ACSM3: variants seen among roughly 807,000 people sequenced by gnomAD.
The protein encoded by ACSM3 is acyl-CoA synthetase medium chain family member 3, also known as acyl-coenzyme A synthetase ACSM3, mitochondrial.
A neutral mutation model predicts 74.1 loss-of-function variants in ACSM3; 61 were observed. That is an observed-to-expected ratio of 0.82 (90% CI 0.67 to 1.02). The LOEUF (loss-of-function observed/expected upper bound fraction) is 1.02, where lower values mean the gene tolerates loss of function less well. Among genes scored for constraint, ACSM3 ranks in the 50% least tolerant of loss-of-function variants. The pLI is 0.00. For synonymous variants in ACSM3, 213 were observed against 241.5 expected (o/e 0.88, Z 1.09); for missense variants, 660 against 697.0 (o/e 0.95, Z 0.60).
chr16:20,689,144 T>C (rs116107252), intron 1 of ACSM3, among the ~76,000 whole-genome samples: 6 of 151,540 alleles, frequency 4.0e-5, no homozygotes, highest in African/African-American at 1.4e-4. Flanking sequence ...AGGGGAAGGA[T>C]TTTTACATTT....
intron 9 of ACSM3, chr16:20,789,572 A>C (rs1416411360): frequency 6.4e-7 from 1 of 1,557,042 alleles, no homozygotes; most frequent in South Asian, 1.1e-5. Context: ...ACAAAGTTTG[A>C]AAACCAGTAA....
chr16:20,737,042 T>A, intron 1 of ACSM3: 2 of 1,614,236 alleles, frequency 1.2e-6, no homozygotes, highest in Non-Finnish European at 1.7e-6. Flanking sequence ...TTCCTTCTGC[T>A]GTGTTGTTTT....
At chr16:20,698,036 T>C (rs1423230346) in intron 1 of ACSM3, among the ~76,000 whole-genome samples, 1 of 151,196 alleles carries the variant, frequency 6.6e-6, no homozygotes, top group Non-Finnish European at 1.5e-5. Flanking sequence ...CTACTAAAAA[T>C]ACAAAAAATT....
At chr16:20,748,438 G>A (rs999410373) in intron 1 of ACSM3, among the ~76,000 whole-genome samples, 16 of 152,130 alleles carry the variant, frequency 1.1e-4, no homozygotes, top group Non-Finnish European at 5.9e-5. Context: ...CTGTGACCTT[G>A]GGGAAGTTAA....
chr16:20,728,441 C>A lies in ACSM3; in HGVS notation c.-189-21469C>A, dbSNP rs565578439. The A allele has an allele frequency of 4.2e-6, 6 of 1,422,388 alleles. No individual in the cohort carries two copies. The South Asian group carries it at 6.9e-5, about 16-fold the overall frequency. The allele number at this position is 1,422,388 out of a possible 1,614,324, so 88.1% of individuals were successfully genotyped here. ...CACCTGGCAAAGAAGGGGAAATTGC[C>A]CTCAGACTAAAGTCTACACAGCCCT... On this transcript the variant is annotated intron_variant, in intron 1 of 3. Coordinates refer to the ACSM3 transcript ENST00000561584.
chr16:20,741,871 G>A, intron 1 of ACSM3: 2 of 1,535,218 alleles, frequency 1.3e-6, no homozygotes, highest in South Asian at 1.2e-5. Context: ...GCCTCATTCC[G>A]TGCTGCGCCA....
At position 20,739,679 on chromosome 16, in the gene ACSM3, G is replaced by A. The variant is rs1052668123; in HGVS notation, c.-189-10231G>A. ...CTACTAAAAATACAAAAATTAGCCC[G>A]ATGTGGTGGCAGACGCCTGTAATCC... On this transcript the variant is annotated intron_variant, in intron 1 of 3. Transcript: ENST00000561584. Among the ~76,000 whole-genome samples, 24 of 151,926 alleles carry A rather than the reference G, an allele frequency of 1.6e-4. 1 individual carries two copies. The highest frequency in any genetic ancestry group is 9.8e-4 in the Admixed American group (15 of 15,274).
At chr16:20,733,505 G>C (rs1184443739) in intron 1 of ACSM3, among the ~76,000 whole-genome samples, 1 of 152,004 alleles carries the variant, frequency 6.6e-6, no homozygotes, top group Non-Finnish European at 1.5e-5. Flanking sequence ...GGATTTAGAA[G>C]TATTAATTAT....
chr16:20,695,890 T>A (rs1213394611), intron 1 of ACSM3, among the ~76,000 whole-genome samples: 1 of 152,330 alleles, frequency 6.6e-6, no homozygotes, highest in South Asian at 2.1e-4. Flanking sequence ...TACATTAATA[T>A]TAATGTCTAT....
At chr16:20,693,135 A>C (rs936884530) in intron 1 of ACSM3, among the ~76,000 whole-genome samples, 6 of 151,672 alleles carry the variant, frequency 4.0e-5, no homozygotes, top group Non-Finnish European at 7.4e-5. Flanking sequence ...ATGCCACTGC[A>C]CTGAAGCCTG....
Position 20,781,047 on chromosome 16 carries a change from A to G in ACSM3, c.856A>G (p.Ser286Gly). 6.2e-7 allele frequency: 1 copy of G among 1,614,182 alleles called. No individual in the cohort carries two copies. The highest frequency in any genetic ancestry group is 8.5e-7 in the Non-Finnish European group (1 of 1,180,030). Residue 286 changes from serine to glycine, a missense_variant, in exon 6 of 14, where the codon AGT becomes GGT. By Grantham distance (56) the Ser-to-Gly change is moderately conservative (BLOSUM62 0). Coordinates refer to ENST00000289416, the MANE Select transcript of ACSM3 (RefSeq NM_005622.4). ...SDTGWAKSAW[S>G]SVFSPWIQGA... ...TACGGGCTGGGCAAAGTCTGCATGGAGTAGTGTTTTTTCTCCGTGGATCCA... is the reference window on the plus strand; with the variant it reads ...TACGGGCTGGGCAAAGTCTGCATGGGGTAGTGTTTTTTCTCCGTGGATCCA...
At chr16:20,747,530 G>A (rs567035662) in intron 1 of ACSM3, among the ~76,000 whole-genome samples, 50 of 152,176 alleles carry the variant, frequency 3.3e-4, no homozygotes, top group Non-Finnish European at 6.2e-4. Context: ...AATCCGCTGG[G>A]CTGGTGCTCA....
chr16:20,762,018 G>A (rs184428368), upstream of ACSM3, among the ~76,000 whole-genome samples: 399 of 152,342 alleles, frequency 2.6e-3, 3 homozygotes, highest in Non-Finnish European at 4.1e-3. Flanking sequence ...GCATGCCAAT[G>A]TATAAAACGC....
chr16:20,688,639 A>G (rs1444858749), intron 1 of ACSM3, among the ~76,000 whole-genome samples: 1 of 151,930 alleles, frequency 6.6e-6, no homozygotes, highest in Non-Finnish European at 1.5e-5. Context: ...GGCTTAAAGA[A>G]AAAAAAAGCC....
rs548068732 is a variant in ACSM3, at chr16:20,714,699, G to C, written c.-189-35211G>C. On this transcript the variant is annotated intron_variant, in intron 1 of 3. Transcript: ENST00000561584. ...GGGTGGGTACCATCGGTTGGAGAGA[G>C]AGAGAGAGACAGTCGATGTTAGGAT... 9.2e-5 allele frequency among the ~76,000 whole-genome samples: 14 copies of C among 152,278 alleles called. No individual in the cohort carries two copies. In the South Asian group the frequency reaches 2.9e-3, roughly 32 times the overall value.
intron 12 of ACSM3, chr16:20,792,698 G>A (rs1290842142): frequency 6.1e-6 from 6 of 985,294 alleles, no homozygotes; most frequent in African/African-American, 1.7e-5. Flanking sequence ...GGAAACCAAC[G>A]AGGTCCCTGG....
At chr16:20,748,140 A>T (rs966605134) in intron 1 of ACSM3, among the ~76,000 whole-genome samples, 7 of 150,736 alleles carry the variant, frequency 4.6e-5, no homozygotes, top group South Asian at 2.1e-4. Context: ...CATGTCTCAA[A>T]AAATAAATAA....
chr16:20,711,598 C>A, intron 1 of ACSM3: 1 of 1,239,724 alleles, frequency 8.1e-7, no homozygotes, highest in Non-Finnish European at 1.1e-6. Context: ...GTCCATTGCA[C>A]TGGAGTGTCC....
chr16:20,789,684 CTTTTTTTTT>C (rs561663756), intron 9 of ACSM3: 2 of 446,580 alleles, frequency 4.5e-6, no homozygotes, highest in African/African-American at 4.7e-5. Context: ...CTCTATTTTT[CTTTTTTTTT>C]TTTTTTTTTT....
Sources: allele counts gnomAD v4.1 joint callset (sites outside exome capture counted in the v4.1 genomes callset), GRCh38; gene constraint gnomAD v4.1.1; transcripts MANE v1.5; gene names NCBI Gene and HGNC (gene_info 2026-07-23, HGNC 2026-07-21).